Variants in SCARA5 observed in about 807,000 individuals in gnomAD.
The protein encoded by SCARA5 is scavenger receptor class A member 5.
Under a neutral mutation model 46.3 loss-of-function variants are expected in SCARA5, and 45 were observed. The observed-to-expected ratio is 0.97, with a 90% CI of 0.76 to 1.24. The LOEUF (loss-of-function observed/expected upper bound fraction) is 1.24. Among genes scored for constraint, SCARA5 ranks in the 50% most tolerant of loss-of-function variants. SCARA5 has a pLI of 0.00. For synonymous variants in SCARA5, 333 were observed against 306.5 expected, an observed-to-expected ratio of 1.09 and a Z score of -0.90; for missense variants, 680 against 689.0, an observed-to-expected ratio of 0.99 and a Z score of 0.15.
At chr8:27,885,045 T>G (rs1806872188) in intron 7 of SCARA5, among the ~76,000 whole-genome samples, 1 of 140,974 alleles carries the variant, frequency 7.1e-6, no homozygotes, top group East Asian at 2.0e-4. Context: ...AGGAAGGAAA[T>G]GAGAGAGAGG....
chr8:27,887,760 C>T (rs574265600), intron 7 of SCARA5, among the ~76,000 whole-genome samples: 3 of 152,224 alleles, frequency 2.0e-5, no homozygotes, highest in African/African-American at 7.2e-5. Context: ...GCTGCTAGGC[C>T]CCCAAACATG....
At chr8:27,966,570 G>T in intron 2 of SCARA5, 28 bp from the exon 3 acceptor site, 1 of 1,577,878 alleles carries the variant, frequency 6.3e-7, no homozygotes. Flanking sequence ...GAGGAGGAAG[G>T]AAAGAAGACA....
In SCARA5 at chr8:27,909,785, C is replaced by G. The variant is rs1280121888; in HGVS notation, c.917-42G>C. On this transcript the variant is annotated intron_variant, in intron 4 of 8. Transcript: ENST00000354914. Reference sequence around the variant, plus strand: ...AGCACTGAGGTTAGGGGGCTCCCTTCTGAAACAGGACCAGGTCATCTGTAG... The same window carrying G: ...AGCACTGAGGTTAGGGGGCTCCCTTGTGAAACAGGACCAGGTCATCTGTAG... 8 of 1,394,686 alleles carry G rather than the reference C, an allele frequency of 5.7e-6. No individual in the cohort carries two copies. In the East Asian group the frequency reaches 2.0e-4, roughly 35 times the overall value. 86.4% of individuals were successfully genotyped at this position (1,394,686 alleles called of 1,614,324 possible). A position where few individuals can be genotyped will look rare whatever the true frequency, so the allele number is the denominator to read the frequency against.
intron 7 of SCARA5, among the ~76,000 whole-genome samples, chr8:27,896,066 T>A (rs1807059560): frequency 6.6e-6 from 1 of 152,158 alleles, no homozygotes; most frequent in Non-Finnish European, 1.5e-5. Flanking sequence ...GGTGGACAAG[T>A]GAATCCTGTT....
At position 27,921,875 on chromosome 8, in the gene SCARA5, G is replaced by T; in HGVS notation, c.612C>A (p.Gly204=). The stretch of plus-strand genomic sequence containing the variant: ...CCCTGCGCGCCAGCCCGTCCAGCAG[G>T]CCCGCGTGGCGCCTCAGCAGCAGCT... ...SSQLLLRRHA[G]LLDGLARRVG... Residue 204 remains glycine (G), a synonymous_variant, in exon 4 of 9, where the codon GGC becomes GGA. Coordinates refer to ENST00000354914, the MANE Select transcript of SCARA5 (RefSeq NM_173833.6). The T allele has an allele frequency of 3.3e-6, 5 of 1,498,000 alleles. No individual in the cohort carries two copies. The allele number at this position is 1,498,000 out of a possible 1,614,324, so 92.8% of individuals were successfully genotyped here.
At chr8:27,891,958 C>A (rs1200081216) in intron 7 of SCARA5, among the ~76,000 whole-genome samples, 1 of 152,232 alleles carries the variant, frequency 6.6e-6, no homozygotes, top group Non-Finnish European at 1.5e-5. Flanking sequence ...TAGAGCGTGG[C>A]TCTCAACAGG....
At chr8:27,893,302 A>G (rs1392794598) in intron 7 of SCARA5, among the ~76,000 whole-genome samples, 1 of 152,012 alleles carries the variant, frequency 6.6e-6, no homozygotes, top group Non-Finnish European at 1.5e-5. Context: ...TGCAAACTGG[A>G]TGTTATTTGT....
intron 3 of SCARA5, among the ~76,000 whole-genome samples, chr8:27,951,190 G>C (rs1426772485): frequency 6.6e-6 from 1 of 152,230 alleles, no homozygotes; most frequent in African/African-American, 2.4e-5. Flanking sequence ...GAATGATACA[G>C]AGGGATTCAT....
intron 7 of SCARA5, among the ~76,000 whole-genome samples, chr8:27,902,156 T>G (rs116935359): frequency 0.026 from 3,893 of 152,256 alleles, 58 homozygotes; most frequent in Non-Finnish European, 0.037. Flanking sequence ...TGTGCAAGCT[T>G]AGGCTCTGGG....
intron 3 of SCARA5, among the ~76,000 whole-genome samples, chr8:27,958,149 C>T (rs1307075492): frequency 1.3e-5 from 2 of 152,210 alleles, no homozygotes; most frequent in Non-Finnish European, 2.9e-5. Context: ...CTCTGGAGAA[C>T]AGGGAGTACT....
chr8:27,909,988 G>A (rs1408017666), intron 4 of SCARA5, among the ~76,000 whole-genome samples: 2 of 151,890 alleles, frequency 1.3e-5, no homozygotes, highest in Non-Finnish European at 2.9e-5. Flanking sequence ...GGGTGGGAGA[G>A]GGACACACAC....
At chr8:27,893,641 G>T (rs2129713148) in intron 7 of SCARA5, among the ~76,000 whole-genome samples, 1 of 152,268 alleles carries the variant, frequency 6.6e-6, no homozygotes, top group Middle Eastern at 3.4e-3. Flanking sequence ...TCTGGGAATG[G>T]AAGGGAACCC....
chr8:27,976,096 G>A (rs1808519646), intron 2 of SCARA5, among the ~76,000 whole-genome samples: 1 of 152,112 alleles, frequency 6.6e-6, no homozygotes, highest in Admixed American at 6.6e-5. Flanking sequence ...AGGGATGCCC[G>A]GTGTGCGTCT....
At position 27,966,204 on chromosome 8, in the gene SCARA5, G is replaced by T. The variant is rs553998997; in HGVS notation, c.241+210C>A. Among the ~76,000 whole-genome samples, 4 of 152,276 alleles carry T rather than the reference G, an allele frequency of 2.6e-5. No individual in the cohort carries two copies. In the East Asian group the frequency reaches 7.7e-4, roughly 29 times the overall value. On this transcript the variant is annotated intron_variant, in intron 3 of 8. Coordinates refer to ENST00000354914, the MANE Select transcript of SCARA5 (RefSeq NM_173833.6). Reference sequence around the variant, plus strand: ...CCAAGCAGCTAGGTCTCTACTGCTGGTCTCTTTGATTCCACAAGCTCACAT... The same window carrying T: ...CCAAGCAGCTAGGTCTCTACTGCTGTTCTCTTTGATTCCACAAGCTCACAT...
At chr8:27,928,545 C>G (rs1807716679) in intron 3 of SCARA5, among the ~76,000 whole-genome samples, 2 of 152,234 alleles carry the variant, frequency 1.3e-5, no homozygotes, top group South Asian at 4.1e-4. Context: ...GGTGACTGAT[C>G]ATGGGCTCTG....
At chr8:27,982,401 G>A (rs1209773085) in intron 2 of SCARA5, among the ~76,000 whole-genome samples, 1 of 151,846 alleles carries the variant, frequency 6.6e-6, no homozygotes, top group African/African-American at 2.4e-5. Flanking sequence ...GGGGCGGGAG[G>A]AGGGAGGCCA....
At chr8:27,915,458 C>T (rs1323099126) in intron 4 of SCARA5, among the ~76,000 whole-genome samples, 5 of 152,138 alleles carry the variant, frequency 3.3e-5, no homozygotes, top group Admixed American at 6.5e-5. Flanking sequence ...GCTCCTCAGC[C>T]CTCAGTAGAA....
At chr8:27,989,316 T>C (rs1181660318) in intron 1 of SCARA5, among the ~76,000 whole-genome samples, 1 of 151,842 alleles carries the variant, frequency 6.6e-6, no homozygotes, top group Admixed American at 6.6e-5. Context: ...TTTGCAGAGA[T>C]GGGGTTTCAC....
intron 3 of SCARA5, among the ~76,000 whole-genome samples, chr8:27,945,637 C>T (rs1808023989): frequency 6.6e-6 from 1 of 152,198 alleles, no homozygotes; most frequent in Admixed American, 6.5e-5. Flanking sequence ...ATGTGAGTGT[C>T]AATCATAGCC....
Sources: allele counts gnomAD v4.1 joint callset (sites outside exome capture counted in the v4.1 genomes callset), GRCh38; gene constraint gnomAD v4.1.1; transcripts MANE v1.5; gene names NCBI Gene and HGNC (gene_info 2026-07-23, HGNC 2026-07-21).